The following PHF20L1 variants were observed in gnomAD, a reference collection of about 807,000 sequenced individuals.
PHF20L1 encodes the protein PHD finger protein 20-like protein 1.
In PHF20L1, 44 loss-of-function variants were observed where a neutral mutation model predicts 125.5. The ratio of observed to expected loss-of-function variants is 0.35; its 90% CI spans 0.28 to 0.45. The LOEUF is 0.45. Ranked by LOEUF, PHF20L1 falls within the 20% of genes least tolerant of loss-of-function variation. The probability of loss-of-function intolerance (pLI) is 1.00; values close to 1 mark genes in which losing one functional copy is unlikely to be tolerated. For missense variants in PHF20L1, 1,012 were observed against 1,217.2 expected (o/e 0.83, Z 2.51); for synonymous variants, 380 against 403.1 (o/e 0.94, Z 0.69).
intron 6 of PHF20L1, among the ~76,000 whole-genome samples, chr8:132,802,472 T>A (rs1329864376): frequency 6.6e-6 from 1 of 151,754 alleles, no homozygotes; most frequent in Non-Finnish European, 1.5e-5. Flanking sequence ...TCTATAGTAT[T>A]TTGTTTATTT....
chr8:132,827,216 G>A (rs1836281182), intron 14 of PHF20L1, among the ~76,000 whole-genome samples: 1 of 151,614 alleles, frequency 6.6e-6, no homozygotes, highest in Admixed American at 6.6e-5. Context: ...ATGATGTAGA[G>A]GTAGGAAACT....
chr8:132,790,458 C>G (rs544306210), intron 2 of PHF20L1, among the ~76,000 whole-genome samples: 1 of 152,234 alleles, frequency 6.6e-6, no homozygotes, highest in East Asian at 1.9e-4. Flanking sequence ...TAAGTCACTC[C>G]CTGTTTTCTG....
At chr8:132,795,106 T>C (rs1832230556) in intron 4 of PHF20L1, among the ~76,000 whole-genome samples, 1 of 152,158 alleles carries the variant, frequency 6.6e-6, no homozygotes, top group Non-Finnish European at 1.5e-5. Context: ...TACTTCTCTG[T>C]TTCTAGTTTG....
rs539097330 is a variant in PHF20L1 at position 132,847,618 on chromosome 8, T to C, written c.*1695T>C. On this transcript the variant is annotated 3_prime_UTR_variant, in exon 21 of 21. Transcript: ENST00000395386. ...TTCAGCTTGCCTTTTTGCGGCCTTATATTTTGATGTAAAGATTAAAAGAAT... is the reference window on the plus strand; with the variant it reads ...TTCAGCTTGCCTTTTTGCGGCCTTACATTTTGATGTAAAGATTAAAAGAAT... 1.9e-4 allele frequency: 29 copies of C among 152,708 alleles called. 1 individual carries two copies. The highest frequency in any genetic ancestry group is 7.0e-4 in the African/African-American group (29 of 41,576). 9.5% of individuals were successfully genotyped at this position (152,708 alleles called of 1,614,324 possible).
At chr8:132,813,251 A>G (rs34373188) in intron 9 of PHF20L1, 30,769 of 247,158 alleles carry the variant, frequency 0.12, 2,743 homozygotes, top group African/African-American at 0.29. Flanking sequence ...AATACTATCC[A>G]TTTATGAAGT....
In PHF20L1 at chr8:132,848,586, C is replaced by G. The variant is rs1838573386; in HGVS notation, c.*2663C>G. On this transcript the variant is annotated 3_prime_UTR_variant, in exon 21 of 21. Coordinates refer to ENST00000395386, the MANE Select transcript of PHF20L1 (RefSeq NM_016018.5). ...TCCCTCTTGGTATGTTACTGATAAA[C>G]TTGTACTTCCTCATACTTGTTTGTG... The G allele has an allele frequency of 6.6e-6, 1 of 152,560 alleles. No individual in the cohort carries two copies. The highest frequency in any genetic ancestry group is 1.5e-5 in the Non-Finnish European group (1 of 67,982). 9.5% of individuals were successfully genotyped at this position (152,560 alleles called of 1,614,324 possible). A position where few individuals can be genotyped will look rare whatever the true frequency, so the allele number is the denominator to read the frequency against.
rs928994576 is a variant in PHF20L1, at chr8:132,815,587, G to T, written c.1183+698G>T. Reference sequence around the variant, plus strand: ...TTGAAAAGTCAGTTGGTAAATGATGGTTTTTTTTGCTCTTTATGCAAAAAA... The same window carrying T: ...TTGAAAAGTCAGTTGGTAAATGATGTTTTTTTTTGCTCTTTATGCAAAAAA... On this transcript the variant is annotated intron_variant, in intron 10 of 20. Transcript: ENST00000395386. The T allele has an allele frequency of 4.0e-5, 6 of 151,356 alleles. No individual in the cohort carries two copies. In the Admixed American group the frequency reaches 4.0e-4, roughly 10 times the overall value. 9.4% of individuals were successfully genotyped at this position (151,356 alleles called of 1,614,324 possible).
In PHF20L1 at chr8:132,793,360, ACT is replaced by A. The variant is rs756253046; in HGVS notation, c.84-1047_84-1046del. 1.3e-3 allele frequency among the ~76,000 whole-genome samples: 199 copies of A among 152,010 alleles called. 1 individual carries two copies. Among genetic ancestry groups the A allele is most frequent in the Middle Eastern group, 0.01 (3 of 294 alleles). ...GAATGATCCTTGAAATATCTGAAAA[ACT>A]CTGAATAGCAAGATTGAGCTATAAA... On this transcript the variant is annotated intron_variant, in intron 2 of 20. Transcript: ENST00000395386.
intron 15 of PHF20L1, among the ~76,000 whole-genome samples, chr8:132,835,566 G>A (rs1837266083): frequency 1.3e-5 from 2 of 152,050 alleles, no homozygotes; most frequent in African/African-American, 4.8e-5. Flanking sequence ...ATACACACAC[G>A]CCTAAAACCT....
intron 19 of PHF20L1, chr8:132,843,651 A>T (rs1315611608): frequency 2.0e-6 from 2 of 979,554 alleles, no homozygotes; most frequent in East Asian, 1.1e-4. Flanking sequence ...AGCAGTTTGT[A>T]CTTTTGAAAC....
At chr8:132,825,117 A>G (rs755243220) in intron 13 of PHF20L1, 147 bp from the exon 14 acceptor site, 2 of 1,540,640 alleles carry the variant, frequency 1.3e-6, no homozygotes, top group South Asian at 1.1e-5. Flanking sequence ...TTCCAGAGTC[A>G]TGACATGAAC....
intron 15 of PHF20L1, among the ~76,000 whole-genome samples, chr8:132,833,688 A>G (rs962993447): frequency 3.3e-5 from 5 of 152,106 alleles, no homozygotes; most frequent in African/African-American, 1.2e-4. Flanking sequence ...AGAAAGATGG[A>G]GAATAGGGGT....
chr8:132,825,502 A>G, intron 14 of PHF20L1, 131 bp downstream of exon 14: 1 of 680,446 alleles, frequency 1.5e-6, no homozygotes, highest in Admixed American at 3.3e-5. Flanking sequence ...AGGTTTCTGT[A>G]GCTTTCCTTT....
rs751850599 is a variant in PHF20L1 at position 132,794,815 on chromosome 8, A to G, written c.338A>G (p.Glu113Gly). The G allele has an allele frequency of 6.3e-7, 1 of 1,599,372 alleles. No individual in the cohort carries two copies. The highest frequency in any genetic ancestry group is 8.6e-7 in the Non-Finnish European group (1 of 1,167,722). ...GCCAAGATTGAAGCAATTAACAAAG[A>G]AGGTATGTGTTTGAAATGATCTGAG... ...YPAKIEAINKEGTFTVQFYDG... is the reference protein window; with the variant it reads ...YPAKIEAINKGGTFTVQFYDG... The change falls in exon 4 of 21, where the codon GAA becomes GGA. Residue 113 changes from glutamate (E) to glycine (G), a missense_variant and splice_region_variant. By Grantham distance (98) the Glu-to-Gly change is moderately conservative. Transcript: ENST00000395386.
chr8:132,837,006 C>T (rs1837431049), intron 16 of PHF20L1, among the ~76,000 whole-genome samples: 2 of 152,078 alleles, frequency 1.3e-5, no homozygotes, highest in Admixed American at 1.3e-4. Flanking sequence ...CACGAAAGGG[C>T]AGGCTACAGC....
Position 132,777,762 on chromosome 8 carries a change from T to C in PHF20L1, c.-37-30T>C, listed in dbSNP as rs1248183276. The C allele has an allele frequency of 3.0e-6, 3 of 1,000,406 alleles. No homozygotes were observed. In the African/African-American group the frequency reaches 4.8e-5, roughly 16 times the overall value. 62.0% of individuals were successfully genotyped at this position (1,000,406 alleles called of 1,614,324 possible). A position where few individuals can be genotyped will look rare whatever the true frequency, so the allele number is the denominator to read the frequency against. ...CTCTACTTCCTATGCATTTTCTGCATTGGAATCTAACTTTTTTCTTTCTCT... is the reference window on the plus strand; with the variant it reads ...CTCTACTTCCTATGCATTTTCTGCACTGGAATCTAACTTTTTTCTTTCTCT... On this transcript the variant is annotated intron_variant, in intron 1 of 20. Transcript: ENST00000395386.
intron 17 of PHF20L1, chr8:132,839,087 T>C (rs1292493871): frequency 3.9e-6 from 1 of 257,868 alleles, no homozygotes; most frequent in African/African-American, 2.2e-5. Context: ...TTGAGCCTTT[T>C]TAGAGGACAG....
chr8:132,824,183 G>A (rs1835904834), intron 13 of PHF20L1, 123 bp downstream of exon 13: 1 of 604,256 alleles, frequency 1.7e-6, no homozygotes, highest in Non-Finnish European at 3.0e-6. Flanking sequence ...ATCTGTTTTA[G>A]TTCCTACTAG....
chr8:132,779,153 T>C (rs1460023327), intron 2 of PHF20L1, among the ~76,000 whole-genome samples: 1 of 152,144 alleles, frequency 6.6e-6, no homozygotes, highest in Admixed American at 6.5e-5. Context: ...GAAGCTACAA[T>C]TTGAGATGGG....
Sources: allele counts gnomAD v4.1 joint callset (sites outside exome capture counted in the v4.1 genomes callset), GRCh38; gene constraint gnomAD v4.1.1; transcripts MANE v1.5; gene names NCBI Gene and HGNC (gene_info 2026-07-23, HGNC 2026-07-21).